The following UGT2B10 variants were observed in gnomAD, a reference collection of about 807,000 sequenced individuals.
UGT2B10 encodes the protein UDP-glucuronosyltransferase 2B10.
In UGT2B10, 51 loss-of-function variants were observed where a neutral mutation model predicts 43.7. The observed-to-expected ratio is 1.17, with a 90% CI of 0.93 to 1.47. The LOEUF (loss-of-function observed/expected upper bound fraction) is 1.47. Ranked by LOEUF, UGT2B10 falls within the 40% of genes most tolerant of loss-of-function variation. The pLI is 0.00. For missense variants in UGT2B10, 696 were observed against 617.7 expected (o/e 1.13, Z -1.34); for synonymous variants, 225 against 209.0 (o/e 1.08, Z -0.66).
intron 5 of UGT2B10, among the ~76,000 whole-genome samples, chr4:68,828,672 G>A (rs907090921): frequency 4.6e-5 from 7 of 151,770 alleles, no homozygotes; most frequent in Non-Finnish European, 1.0e-4. Context: ...ATTAACAAAT[G>A]GAATCTTATA....
intron 1 of UGT2B10, 57 bp from the exon 2 acceptor site, chr4:68,817,972 A>T (rs1279609238): frequency 3.2e-6 from 5 of 1,563,190 alleles, no homozygotes; most frequent in Non-Finnish European, 4.3e-6. Flanking sequence ...CTTTCAGAAA[A>T]TTACATAAAG....
chr4:68,824,147 T>C (rs1737651420), intron 3 of UGT2B10, among the ~76,000 whole-genome samples: 1 of 152,246 alleles, frequency 6.6e-6, no homozygotes, highest in Non-Finnish European at 1.5e-5. Context: ...CATTTTGGCA[T>C]AGGCCTATCT....
intron 3 of UGT2B10, among the ~76,000 whole-genome samples, chr4:68,826,015 T>A (rs781576363): frequency 6.6e-6 from 1 of 152,072 alleles, no homozygotes; most frequent in Non-Finnish European, 1.5e-5. Flanking sequence ...TTTTTTGAGT[T>A]TTTAATAATG....
chr4:68,816,471 C>G lies in UGT2B10; in HGVS notation c.452C>G (p.Ala151Gly), dbSNP rs770953272. ...AGATTTGACATCGTTTTTGCAGATGCTTATTTACCCTGTGGTGAGCTGCTG... is the reference window on the plus strand; with the variant it reads ...AGATTTGACATCGTTTTTGCAGATGGTTATTTACCCTGTGGTGAGCTGCTG... ...ESRFDIVFADAYLPCGELLAE... is the reference protein window; with the variant it reads ...ESRFDIVFADGYLPCGELLAE... Residue 151 changes from alanine to glycine, a missense_variant, in exon 1 of 6, where the codon GCT becomes GGT. Coordinates refer to ENST00000265403, the MANE Select transcript of UGT2B10 (RefSeq NM_001075.6). 1.9e-6 allele frequency: 3 copies of G among 1,613,124 alleles called. No individual in the cohort carries two copies. The Admixed American group carries it at 5.0e-5, about 27-fold the overall frequency.
intron 2 of UGT2B10, among the ~76,000 whole-genome samples, chr4:68,821,116 A>AT (rs1011110612): frequency 6.6e-6 from 1 of 152,196 alleles, no homozygotes; most frequent in Non-Finnish European, 1.5e-5. Flanking sequence ...TACAAATCAC[A>AT]TTTTAAAAAA....
chr4:68,826,113 G>A (rs377279832), intron 3 of UGT2B10, among the ~76,000 whole-genome samples: 2 of 151,736 alleles, frequency 1.3e-5, no homozygotes, highest in Non-Finnish European at 1.5e-5. Flanking sequence ...TTTTTTCTTC[G>A]ATGGTTAGCC....
intron 2 of UGT2B10, among the ~76,000 whole-genome samples, chr4:68,821,053 C>A (rs1168783285): frequency 6.6e-6 from 1 of 152,002 alleles, no homozygotes; most frequent in Non-Finnish European, 1.5e-5. Flanking sequence ...TACCTAGATG[C>A]CCCAAGTATT....
rs997130900 is a variant in UGT2B10 at position 68,830,999 on chromosome 4, G to A, written c.*120G>A. ...TGTGACAAAAAAAAATCCTTTCGAA[G>A]TCTACCTTGTCAAGTAAAAATTTGT... On this transcript the variant is annotated 3_prime_UTR_variant, in exon 6 of 6. Transcript: ENST00000265403. 1.2e-5 allele frequency: 16 copies of A among 1,362,590 alleles called. No individual in the cohort carries two copies. In the African/African-American group the frequency reaches 1.3e-4, roughly 11 times the overall value. The allele number at this position is 1,362,590 out of a possible 1,614,324, so 84.4% of individuals were successfully genotyped here. A position where few individuals can be genotyped will look rare whatever the true frequency, so the allele number is the denominator to read the frequency against.
Position 68,816,539 on chromosome 4 carries a change from A to T in UGT2B10, c.520A>T (p.Ser174Cys). 3 of 1,613,182 alleles carry T rather than the reference A, an allele frequency of 1.9e-6. No homozygotes were observed. Among genetic ancestry groups the T allele is most frequent in the Non-Finnish European group, 2.5e-6 (3 of 1,179,388 alleles). Residue 174 changes from serine (S) to cysteine (C), a missense_variant, in exon 1 of 6, where the codon AGT becomes TGT. Coordinates refer to ENST00000265403, the MANE Select transcript of UGT2B10 (RefSeq NM_001075.6). ...NIPFVYSHSF[S>C]PGYSFERHSG... The stretch of plus-strand genomic sequence containing the variant: ...ACCCTTTGTGTACAGTCACAGCTTC[A>T]GTCCTGGCTACTCATTTGAAAGGCA...
chr4:68,818,268 T>A, intron 2 of UGT2B10, 91 bp downstream of exon 2: 2 of 1,557,562 alleles, frequency 1.3e-6, no homozygotes, highest in Non-Finnish European at 1.7e-6. Context: ...TGACTAACAC[T>A]GAAAAAGATG....
At position 68,816,679 on chromosome 4, in the gene UGT2B10, C is replaced by A. The variant is rs533255242; in HGVS notation, c.660C>A (p.Asp220Glu). 1.5e-5 allele frequency: 24 copies of A among 1,611,674 alleles called. No individual in the cohort carries two copies. Among genetic ancestry groups the A allele is most frequent in the Non-Finnish European group, 2.0e-5 (24 of 1,178,784 alleles). ...ATATGCTCTATGTGCTTTATTTTGACTTTTGGTTCCAAATATTTAATATGA... is the reference window on the plus strand; with the variant it reads ...ATATGCTCTATGTGCTTTATTTTGAATTTTGGTTCCAAATATTTAATATGA... ...VKNMLYVLYF[D>E]FWFQIFNMKK... The change falls in exon 1 of 6, where the codon GAC (aspartate) becomes GAA (glutamate). Residue 220 changes from aspartate (D) to glutamate (E), a missense_variant. Asp to Glu is a conservative substitution (Grantham distance 45). Coordinates refer to ENST00000265403, the MANE Select transcript of UGT2B10 (RefSeq NM_001075.6).
intron 1 of UGT2B10, among the ~76,000 whole-genome samples, 180 bp from the exon 2 acceptor site, chr4:68,817,849 A>G (rs1450448918): frequency 6.6e-6 from 1 of 151,836 alleles, no homozygotes; most frequent in African/African-American, 2.4e-5. Context: ...TAAATAAACA[A>G]GGGCAAAATA....
At position 68,816,091 on chromosome 4, in the gene UGT2B10, G is replaced by T. The variant is rs759376978; in HGVS notation, c.72G>T (p.Lys24Asn). The T allele has an allele frequency of 6.2e-7, 1 of 1,613,206 alleles. No homozygotes were observed. The highest frequency in any genetic ancestry group is 1.7e-5 in the Admixed American group (1 of 59,928). The change falls in exon 1 of 6, where the codon AAG (lysine) becomes AAT (asparagine). Residue 24 changes from lysine to asparagine, a missense_variant. By Grantham distance (94) the Lys-to-Asn change is moderately conservative. Coordinates refer to ENST00000265403, the MANE Select transcript of UGT2B10 (RefSeq NM_001075.6). ...SFYFSSGSCG[K>N]VLVWAAEYSL... ...ACTTTAGCTCTGGGAGTTGTGGAAAGGTGCTGGTATGGGCCGCAGAATACA... is the reference window on the plus strand; with the variant it reads ...ACTTTAGCTCTGGGAGTTGTGGAAATGTGCTGGTATGGGCCGCAGAATACA...
chr4:68,827,574 G>T, intron 5 of UGT2B10, 26 bp downstream of exon 5: 1 of 1,612,566 alleles, frequency 6.2e-7, no homozygotes, highest in East Asian at 2.2e-5. Flanking sequence ...TTTTTCACTA[G>T]ATGGTATTAA....
Position 68,820,611 on chromosome 4 carries a change from T to C in UGT2B10, c.868-1660T>C, listed in dbSNP as rs535482279. Among the ~76,000 whole-genome samples the C allele has an allele frequency of 5.3e-5, 8 of 152,128 alleles. No individual in the cohort carries two copies. In the South Asian group the frequency reaches 1.2e-3, roughly 24 times the overall value. On this transcript the variant is annotated intron_variant, in intron 2 of 5. Transcript: ENST00000265403. ...ATTATGCTGTCAGCCATAATACACA[T>C]ACAGTGAATAAGAAAATTATAAATA...
chr4:68,824,269 C>T (rs776475179), intron 3 of UGT2B10, among the ~76,000 whole-genome samples: 15 of 152,214 alleles, frequency 9.9e-5, no homozygotes, highest in Non-Finnish European at 2.1e-4. Flanking sequence ...GCAGCTTGCC[C>T]TGCTGGACTG....
In UGT2B10 at chr4:68,827,467, G is replaced by C. The variant is rs755495477; in HGVS notation, c.1226G>C (p.Gly409Ala). ...PDNIAHMKAK[G>A]AAVRVDFNTM... The stretch of plus-strand genomic sequence containing the variant: ...AATATTGCTCACATGAAGGCCAAGG[G>C]AGCAGCTGTTAGAGTGGACTTCAAC... The change falls in exon 5 of 6, where the codon GGA (glycine) becomes GCA (alanine). Residue 409 changes from glycine to alanine, a missense_variant. Physicochemically the swap from Gly to Ala is moderately conservative, Grantham distance 60. Transcript: ENST00000265403. The C allele has an allele frequency of 6.2e-7, 1 of 1,613,494 alleles. No homozygotes were observed. The highest frequency in any genetic ancestry group is 8.5e-7 in the Non-Finnish European group (1 of 1,179,634).
intron 4 of UGT2B10, among the ~76,000 whole-genome samples, 159 bp from the exon 5 acceptor site, chr4:68,827,170 A>G (rs536696734): frequency 2.0e-5 from 3 of 152,092 alleles, no homozygotes; most frequent in Non-Finnish European, 4.4e-5. Flanking sequence ...CTTCAGTTAC[A>G]TCTCCAACAC....
Position 68,830,968 on chromosome 4 carries a change from T to G in UGT2B10, c.*89T>G. 7 of 1,492,256 alleles carry G rather than the reference T, an allele frequency of 4.7e-6. No individual in the cohort carries two copies. Among genetic ancestry groups the G allele is most frequent in the Non-Finnish European group, 4.5e-6 (5 of 1,114,902 alleles). 92.4% of individuals were successfully genotyped at this position (1,492,256 alleles called of 1,614,324 possible). On this transcript the variant is annotated 3_prime_UTR_variant, in exon 6 of 6. Coordinates refer to ENST00000265403, the MANE Select transcript of UGT2B10 (RefSeq NM_001075.6). ...TAAATATTGTGATGCAAGATTTCTTTCTTCCTGTGACAAAAAAAAATCCTT... is the reference window on the plus strand; with the variant it reads ...TAAATATTGTGATGCAAGATTTCTTGCTTCCTGTGACAAAAAAAAATCCTT...
Sources: gnomAD v4.1 joint callset for allele counts (sites outside exome capture counted in the v4.1 genomes callset) on GRCh38, gnomAD v4.1.1 for gene constraint, MANE v1.5 for transcripts, NCBI Gene and HGNC (gene_info 2026-07-23, HGNC 2026-07-21) for gene names.